Variants in CCDC7 observed in about 807,000 individuals in gnomAD.
CCDC7 encodes the protein coiled-coil domain-containing protein 7.
A neutral mutation model predicts 196.9 loss-of-function variants in CCDC7; 183 were observed. The observed-to-expected ratio is 0.93, with a 90% CI of 0.82 to 1.05. The LOEUF (loss-of-function observed/expected upper bound fraction) is 1.05. Ranked by LOEUF, CCDC7 falls within the 50% of genes least tolerant of loss-of-function variation. The pLI is 0.00. For missense variants in CCDC7, 1,540 were observed against 1,482.2 expected (o/e 1.04, Z -0.64); for synonymous variants, 525 against 484.6 (o/e 1.08, Z -1.10).
At chr10:32,845,310 A>C in exon 34 of CCDC7, 1 of 1,569,622 alleles carries the variant, frequency 6.4e-7, no homozygotes, top group South Asian at 1.2e-5. Context: ...TCAATGCACA[A>C]CTAAAGGGTC....
At chr10:32,730,222 C>G (rs900608408) in intron 28 of CCDC7, among the ~76,000 whole-genome samples, 4 of 152,094 alleles carry the variant, frequency 2.6e-5, no homozygotes, top group Non-Finnish European at 5.9e-5. Flanking sequence ...TTGTTCAACT[C>G]CCATTTATAA....
chr10:32,631,773 A>G lies in CCDC7; in HGVS notation c.1802-2481A>G, dbSNP rs148117349. Among the ~76,000 whole-genome samples, 132 of 152,166 alleles carry G rather than the reference A, an allele frequency of 8.7e-4. 1 individual carries two copies. The highest frequency in any genetic ancestry group is 2.9e-3 in the African/African-American group (119 of 41,540). ...TTTTAACAATATTGTCTAACAATAC[A>G]TAACCACAGGTTGTCTTCTCATTTA... On this transcript the variant is annotated intron_variant, in intron 18 of 41. Coordinates refer to ENST00000639629, the Ensembl canonical transcript of CCDC7.
intron 23 of CCDC7, among the ~76,000 whole-genome samples, chr10:32,693,711 C>T (rs1400920263): frequency 6.6e-6 from 1 of 152,128 alleles, no homozygotes; most frequent in Non-Finnish European, 1.5e-5. Context: ...GCACATTCTC[C>T]CTGTGTCTGC....
intron 28 of CCDC7, among the ~76,000 whole-genome samples, chr10:32,767,297 T>A (rs2078464815): frequency 6.6e-6 from 1 of 152,130 alleles, no homozygotes. Flanking sequence ...GTTATATTCA[T>A]ACTACGTTTT....
At chr10:32,798,042 A>G (rs1438839781) in intron 29 of CCDC7, among the ~76,000 whole-genome samples, 1 of 152,216 alleles carries the variant, frequency 6.6e-6, no homozygotes, top group Non-Finnish European at 1.5e-5. Flanking sequence ...CAGAGGCAAT[A>G]CTACGTGGAA....
chr10:32,826,887 T>C (rs1307489711), intron 32 of CCDC7, among the ~76,000 whole-genome samples: 3 of 152,206 alleles, frequency 2.0e-5, no homozygotes, highest in South Asian at 2.1e-4. Context: ...TGTGTGATTA[T>C]ATATTTGATT....
intron 15 of CCDC7, among the ~76,000 whole-genome samples, chr10:32,568,239 T>C (rs1056031031): frequency 3.9e-5 from 6 of 152,058 alleles, no homozygotes; most frequent in Non-Finnish European, 7.4e-5. Flanking sequence ...TCTCCTGACC[T>C]CGTGATCTGC....
rs529821434 is a variant in CCDC7, at chr10:32,556,242, A to G, written c.1135-9316A>G. ...ATTTGTTTCATTATTTTAATTTTCT[A>G]TCATCTTTATTCGTTAGAATATAGA... On this transcript the variant is annotated intron_variant, in intron 13 of 41. Coordinates refer to ENST00000639629, the Ensembl canonical transcript of CCDC7. Among the ~76,000 whole-genome samples the G allele has an allele frequency of 5.9e-5, 9 of 152,328 alleles. No individual in the cohort carries two copies. The South Asian group carries it at 1.9e-3, about 32-fold the overall frequency.
At chr10:32,515,009 A>AG in intron 9 of CCDC7, among the ~76,000 whole-genome samples, 1 of 152,180 alleles carries the variant, frequency 6.6e-6, no homozygotes, top group Admixed American at 6.5e-5. Flanking sequence ...TTTTTTTTGT[A>AG]GGGACAGGGT....
chr10:32,689,157 AT>A lies in CCDC7; in HGVS notation c.2340del (p.Ile781LeufsTer64). ...ACAAAGAACTCTCAAAGGGCAAAGA[AT>A]TATTAGTAAGTATAAAAAGTAAAGA... On this transcript the variant is annotated frameshift_variant, in exon 23 of 42. Transcript: ENST00000639629. LOFTEE classifies it high-confidence loss of function. The A allele has an allele frequency of 6.5e-7, 1 of 1,536,110 alleles. No individual in the cohort carries two copies. The highest frequency in any genetic ancestry group is 9.0e-7 in the Non-Finnish European group (1 of 1,114,386).
chr10:32,859,593 A>G (rs2488298), intron 41 of CCDC7, among the ~76,000 whole-genome samples: 139,071 of 151,964 alleles, frequency 0.92, 64,838 homozygotes, highest in East Asian at 1. Context: ...GGAGAGACAC[A>G]AAAAACCCTT....
intron 28 of CCDC7, among the ~76,000 whole-genome samples, chr10:32,730,081 C>T (rs1171322908): frequency 1.3e-5 from 2 of 152,116 alleles, no homozygotes; most frequent in African/African-American, 2.4e-5. Context: ...GTTTGCTGCA[C>T]AGATCAACCC....
chr10:32,680,676 A>G (rs2075734704), intron 21 of CCDC7, among the ~76,000 whole-genome samples: 1 of 152,170 alleles, frequency 6.6e-6, no homozygotes, highest in African/African-American at 2.4e-5. Flanking sequence ...ACCCAAAACC[A>G]GACAGCATTA....
At chr10:32,620,401 G>A in intron 18 of CCDC7, among the ~76,000 whole-genome samples, 1 of 151,784 alleles carries the variant, frequency 6.6e-6, no homozygotes, top group Admixed American at 6.6e-5. Context: ...AGACAGTTTT[G>A]AAAATAATTT....
chr10:32,532,854 T>G (rs2135922037), intron 11 of CCDC7, among the ~76,000 whole-genome samples: 1 of 152,224 alleles, frequency 6.6e-6, no homozygotes, highest in African/African-American at 2.4e-5. Flanking sequence ...TCAGGCTGTG[T>G]GTGTCTTTAG....
At chr10:32,767,249 TTTTG>T (rs1282500407) in intron 28 of CCDC7, among the ~76,000 whole-genome samples, 2 of 152,036 alleles carry the variant, frequency 1.3e-5, no homozygotes, top group African/African-American at 2.4e-5. Context: ...TCCATTAAAT[TTTTG>T]TTTGGCCACT....
chr10:32,564,479 T>G (rs976109945), intron 13 of CCDC7, among the ~76,000 whole-genome samples: 19 of 152,104 alleles, frequency 1.2e-4, no homozygotes, highest in Non-Finnish European at 2.5e-4. Context: ...TCATAAAAAA[T>G]GATGAGTTCA....
chr10:32,631,607 T>A (rs1167855635), intron 18 of CCDC7, among the ~76,000 whole-genome samples: 1 of 152,048 alleles, frequency 6.6e-6, no homozygotes, highest in Non-Finnish European at 1.5e-5. Flanking sequence ...TTTTTTCTCA[T>A]GTTTTGGTGG....
chr10:32,666,343 A>G (rs2072705927), intron 21 of CCDC7, among the ~76,000 whole-genome samples: 2 of 151,862 alleles, frequency 1.3e-5, no homozygotes, highest in African/African-American at 2.4e-5. Flanking sequence ...TTTTTCTAAC[A>G]TACACAATAA....
Sources: allele counts gnomAD v4.1 joint callset (sites outside exome capture counted in the v4.1 genomes callset), GRCh38; gene constraint gnomAD v4.1.1; transcripts MANE v1.5; gene names NCBI Gene and HGNC (gene_info 2026-07-23, HGNC 2026-07-21).